Variants in SLC24A2 observed in about 807,000 individuals in gnomAD.
The protein encoded by SLC24A2 is sodium/potassium/calcium exchanger 2.
In SLC24A2, 36 loss-of-function variants were observed where a neutral mutation model predicts 62.0. That is an observed-to-expected ratio of 0.58 (90% CI 0.44 to 0.77). The LOEUF is 0.77. SLC24A2 is among the 30% of genes least tolerant of loss of function. The pLI is 0.00. For missense variants in SLC24A2, 846 were observed against 817.9 expected, an observed-to-expected ratio of 1.03 and a Z score of -0.42; for synonymous variants, 358 against 294.0, an observed-to-expected ratio of 1.22 and a Z score of -2.23.
chr9:19,710,769 C>T (rs934432105), intron 2 of SLC24A2, among the ~76,000 whole-genome samples: 9 of 152,126 alleles, frequency 5.9e-5, no homozygotes, highest in African/African-American at 2.2e-4. Context: ...AGGCAGATCG[C>T]TCTGGCCACA....
At chr9:19,909,292 T>A in the SLC24A2 span, among the ~76,000 whole-genome samples, 6 of 144,714 alleles carry the variant, frequency 4.1e-5, no homozygotes, top group Non-Finnish European at 9.0e-5. Context: ...TGAGAACACA[T>A]GGACACAGGA....
chr9:19,801,028 C>G, the SLC24A2 span, among the ~76,000 whole-genome samples: 35 of 152,318 alleles, frequency 2.3e-4, no homozygotes, highest in African/African-American at 6.5e-4. Context: ...AAGTCCATAG[C>G]AAAAGTATTG....
intron 2 of SLC24A2, among the ~76,000 whole-genome samples, chr9:19,676,363 T>G (rs1045661088): frequency 2.0e-5 from 3 of 152,242 alleles, no homozygotes; most frequent in Admixed American, 6.5e-5. Flanking sequence ...TCTGTCCATC[T>G]GAGTGGGAGG....
At chr9:20,109,468 T>C in the SLC24A2 span, among the ~76,000 whole-genome samples, 2 of 152,206 alleles carry the variant, frequency 1.3e-5, no homozygotes, top group African/African-American at 4.8e-5. Flanking sequence ...GCTTCCCTTC[T>C]GCAAGTCTCA....
chr9:20,165,100 A>C, the SLC24A2 span, among the ~76,000 whole-genome samples: 1 of 151,698 alleles, frequency 6.6e-6, no homozygotes, highest in Non-Finnish European at 1.5e-5. Context: ...TAACCTGCAC[A>C]TTGTGCACAT....
At chr9:19,829,806 TATATACACACACACAC>T in the SLC24A2 span, among the ~76,000 whole-genome samples, 21 of 111,696 alleles carry the variant, frequency 1.9e-4, no homozygotes, top group South Asian at 1.2e-3. Flanking sequence ...TGTATATATA[TATATACACACACACAC>T]ACACACACAC....
At chr9:20,110,777 G>A in the SLC24A2 span, among the ~76,000 whole-genome samples, 1 of 152,096 alleles carries the variant, frequency 6.6e-6, no homozygotes, top group African/African-American at 2.4e-5. Flanking sequence ...AAAAATTATA[G>A]TTTCATAGTG....
the SLC24A2 span, among the ~76,000 whole-genome samples, chr9:20,255,039 A>G: frequency 6.6e-6 from 1 of 152,174 alleles, no homozygotes; most frequent in Non-Finnish European, 1.5e-5. Context: ...CCCATTACAC[A>G]TGGAGATTAT....
chr9:19,639,426 C>A (rs928005468), intron 2 of SLC24A2, among the ~76,000 whole-genome samples: 1 of 152,186 alleles, frequency 6.6e-6, no homozygotes, highest in Non-Finnish European at 1.5e-5. Context: ...CCTCAAGAAG[C>A]CTTGCATGCC....
At chr9:19,577,507 G>A (rs776251022) in intron 5 of SLC24A2, among the ~76,000 whole-genome samples, 6 of 152,076 alleles carry the variant, frequency 3.9e-5, no homozygotes, top group Non-Finnish European at 8.8e-5. Context: ...AACACTTCTG[G>A]TCCCAAGCGT....
At chr9:20,100,756 A>T in the SLC24A2 span, among the ~76,000 whole-genome samples, 1 of 152,226 alleles carries the variant, frequency 6.6e-6, no homozygotes, top group Non-Finnish European at 1.5e-5. Context: ...ATTTCATTTC[A>T]CAGTATTTAT....
chr9:19,720,323 A>G (rs1820985423), intron 2 of SLC24A2, among the ~76,000 whole-genome samples: 1 of 152,196 alleles, frequency 6.6e-6, no homozygotes, highest in Admixed American at 6.5e-5. Context: ...ACAAAACCCA[A>G]CCACACTGAT....
the SLC24A2 span, among the ~76,000 whole-genome samples, chr9:19,999,761 C>T: frequency 6.6e-6 from 1 of 152,168 alleles, no homozygotes; most frequent in South Asian, 2.1e-4. Context: ...TCCTGCCTTA[C>T]AGTCATCCTG....
the SLC24A2 span, among the ~76,000 whole-genome samples, chr9:19,908,384 A>G: frequency 6.6e-6 from 1 of 152,174 alleles, no homozygotes; most frequent in African/African-American, 2.4e-5. Flanking sequence ...TAAAAACCCT[A>G]GAAGAAAACC....
At chr9:19,716,914 T>C (rs564489324) in intron 2 of SLC24A2, among the ~76,000 whole-genome samples, 156 of 152,352 alleles carry the variant, frequency 1.0e-3, no homozygotes, top group African/African-American at 3.5e-3. Context: ...CTATTGTTAT[T>C]TTTGTATGCT....
the SLC24A2 span, among the ~76,000 whole-genome samples, chr9:20,077,789 G>T: frequency 6.6e-6 from 1 of 152,120 alleles, no homozygotes; most frequent in African/African-American, 2.4e-5. Flanking sequence ...GTCATCCCTG[G>T]TAATCCTTTC....
chr9:20,255,390 A>G, the SLC24A2 span, among the ~76,000 whole-genome samples: 2 of 152,206 alleles, frequency 1.3e-5, no homozygotes, highest in African/African-American at 2.4e-5. Flanking sequence ...TTGTTCCACA[A>G]TAAGCTACCC....
chr9:20,083,343 C>T, the SLC24A2 span, among the ~76,000 whole-genome samples: 2 of 152,148 alleles, frequency 1.3e-5, no homozygotes, highest in South Asian at 4.2e-4. Context: ...ACCAAATGAG[C>T]AAATGGATAC....
At chr9:20,179,842 T>C in the SLC24A2 span, among the ~76,000 whole-genome samples, 1 of 152,116 alleles carries the variant, frequency 6.6e-6, no homozygotes, top group Non-Finnish European at 1.5e-5. Flanking sequence ...TGCTTCTATT[T>C]CTCTCTAAAT....
Sources: allele counts gnomAD v4.1 joint callset (sites outside exome capture counted in the v4.1 genomes callset), GRCh38; gene constraint gnomAD v4.1.1; transcripts MANE v1.5; gene names NCBI Gene and HGNC (gene_info 2026-07-23, HGNC 2026-07-21).